KCNQ5: variants seen among roughly 807,000 people sequenced by gnomAD.
KCNQ5 encodes potassium voltage-gated channel subfamily Q member 5.
A neutral mutation model predicts 98.2 loss-of-function variants in KCNQ5; 30 were observed. The observed-to-expected ratio is 0.31, with a 90% CI of 0.23 to 0.41. The LOEUF (loss-of-function observed/expected upper bound fraction) is 0.41, where lower values mean the gene tolerates loss of function less well. Among genes scored for constraint, KCNQ5 ranks in the 10% least tolerant of loss-of-function variants. The probability of loss-of-function intolerance (pLI) is 1.00; values close to 1 mark genes in which losing one functional copy is unlikely to be tolerated. For missense variants in KCNQ5, 835 were observed against 1,182.5 expected, an observed-to-expected ratio of 0.71 and a Z score of 4.31; for synonymous variants, 458 against 449.4, an observed-to-expected ratio of 1.02 and a Z score of -0.24.
intron 1 of KCNQ5, among the ~76,000 whole-genome samples, chr6:72,908,146 A>C (rs917092338): frequency 5.9e-5 from 9 of 152,108 alleles, no homozygotes; most frequent in Non-Finnish European, 1.2e-4. Flanking sequence ...AATTTGGAAC[A>C]TTTAAAAAGA....
chr6:73,112,471 G>A (rs571187971), intron 7 of KCNQ5, among the ~76,000 whole-genome samples: 77 of 151,154 alleles, frequency 5.1e-4, no homozygotes, highest in African/African-American at 1.6e-3. Flanking sequence ...TCAGCCTCCC[G>A]AGTAGCTGGG....
At chr6:73,132,091 G>A (rs569419867) in intron 9 of KCNQ5, among the ~76,000 whole-genome samples, 1 of 152,208 alleles carries the variant, frequency 6.6e-6, no homozygotes, top group Non-Finnish European at 1.5e-5. Flanking sequence ...ACTGTTTCTT[G>A]TTAGCTACAA....
chr6:72,637,968 A>G (rs1459820278), intron 1 of KCNQ5, among the ~76,000 whole-genome samples: 8 of 152,224 alleles, frequency 5.3e-5, no homozygotes, highest in Non-Finnish European at 1.2e-4. Flanking sequence ...CTTCAGATCC[A>G]TCAAGGAATA....
rs1028407942 is a variant in KCNQ5, at chr6:72,804,202, A to G, written c.398+181615A>G. Among the ~76,000 whole-genome samples, 5 of 152,092 alleles carry G rather than the reference A, an allele frequency of 3.3e-5. No individual in the cohort carries two copies. In the East Asian group the frequency reaches 9.6e-4, roughly 29 times the overall value. On this transcript the variant is annotated intron_variant, in intron 1 of 13. Transcript: ENST00000370398. The stretch of plus-strand genomic sequence containing the variant: ...ATTATACTCCTTTCATTATTTTTAA[A>G]TATCCAATAAATTACTGTTGACTGT...
At chr6:73,186,899 G>A (rs974197936) in intron 11 of KCNQ5, among the ~76,000 whole-genome samples, 6 of 151,938 alleles carry the variant, frequency 3.9e-5, no homozygotes, top group Non-Finnish European at 4.4e-5. Flanking sequence ...CCATTAACTC[G>A]TCATTTACAT....
chr6:72,678,435 C>A (rs1024971092), intron 1 of KCNQ5: 1 of 152,036 alleles, frequency 6.6e-6, no homozygotes, highest in Non-Finnish European at 1.5e-5. Context: ...ATCAGATAGA[C>A]CCCAGGGCTT....
chr6:73,012,669 T>G (rs2150331577), intron 2 of KCNQ5, among the ~76,000 whole-genome samples: 1 of 152,128 alleles, frequency 6.6e-6, no homozygotes, highest in East Asian at 1.9e-4. Context: ...GAGAAAAATC[T>G]TTTAAAAGAT....
At chr6:72,639,319 G>C (rs1465578267) in intron 1 of KCNQ5, among the ~76,000 whole-genome samples, 1 of 152,188 alleles carries the variant, frequency 6.6e-6, no homozygotes, top group East Asian at 1.9e-4. Flanking sequence ...AATGTGTGAT[G>C]ATGTAGAAAG....
At chr6:72,918,857 G>A (rs1780274778) in intron 1 of KCNQ5, among the ~76,000 whole-genome samples, 1 of 152,132 alleles carries the variant, frequency 6.6e-6, no homozygotes, top group Non-Finnish European at 1.5e-5. Context: ...TTATTGAAAA[G>A]GAAAGTTGCA....
At chr6:72,836,596 A>G (rs1203183800) in intron 1 of KCNQ5, among the ~76,000 whole-genome samples, 3 of 148,920 alleles carry the variant, frequency 2.0e-5, no homozygotes, top group Non-Finnish European at 4.5e-5. Context: ...GCGCCACCAC[A>G]CTCTGCTAAT....
At chr6:72,822,416 A>G (rs1201083295) in intron 1 of KCNQ5, among the ~76,000 whole-genome samples, 3 of 152,066 alleles carry the variant, frequency 2.0e-5, no homozygotes, top group Non-Finnish European at 1.5e-5. Flanking sequence ...TTTTTTTGGA[A>G]CTTTTTTGTA....
intron 1 of KCNQ5, among the ~76,000 whole-genome samples, chr6:72,877,127 A>G (rs1275429991): frequency 6.6e-6 from 1 of 152,012 alleles, no homozygotes; most frequent in Non-Finnish European, 1.5e-5. Context: ...TACATGTGCC[A>G]TGGTGTTTTG....
At chr6:72,978,882 G>A (rs889098144) in intron 1 of KCNQ5, among the ~76,000 whole-genome samples, 2 of 152,026 alleles carry the variant, frequency 1.3e-5, no homozygotes, top group Admixed American at 6.6e-5. Flanking sequence ...CTGTGTCCAA[G>A]TGTTCTCATT....
intron 1 of KCNQ5, among the ~76,000 whole-genome samples, chr6:72,742,373 A>T (rs978924168): frequency 2.0e-5 from 3 of 152,238 alleles, no homozygotes; most frequent in African/African-American, 7.2e-5. Context: ...TTCAAAGTTC[A>T]TAAGGGTTGC....
In KCNQ5 at chr6:72,869,015, A is replaced by T. The variant is rs1020564935; in HGVS notation, c.399-134893A>T. On this transcript the variant is annotated intron_variant, in intron 1 of 13. Transcript: ENST00000370398. ...AATGTTCCTAACACAAAGAAATGAT[A>T]AATGCTTGAGATAATGGATACCCAA... Among the ~76,000 whole-genome samples, 163 of 152,302 alleles carry T rather than the reference A, an allele frequency of 1.1e-3. 2 individuals are homozygous for T. The highest frequency in any genetic ancestry group is 1.7e-3 in the Non-Finnish European group (114 of 68,016).
chr6:72,998,829 C>G (rs1325171971), intron 1 of KCNQ5, among the ~76,000 whole-genome samples: 2 of 151,464 alleles, frequency 1.3e-5, no homozygotes, highest in Admixed American at 6.6e-5. Context: ...GGAACACTTA[C>G]AGTCTGCCAA....
At chr6:73,051,429 A>G (rs1315908763) in intron 3 of KCNQ5, among the ~76,000 whole-genome samples, 1 of 152,144 alleles carries the variant, frequency 6.6e-6, no homozygotes, top group African/African-American at 2.4e-5. Flanking sequence ...TCCTGCTGCC[A>G]CCACCCCAAC....
intron 1 of KCNQ5, among the ~76,000 whole-genome samples, chr6:72,901,253 C>T (rs1779492443): frequency 6.6e-6 from 1 of 150,920 alleles, no homozygotes; most frequent in South Asian, 2.1e-4. Context: ...GGATATTAGT[C>T]CTTTGTCACA....
At chr6:73,029,644 C>T (rs1357401052) in intron 2 of KCNQ5, among the ~76,000 whole-genome samples, 1 of 151,634 alleles carries the variant, frequency 6.6e-6, no homozygotes, top group African/African-American at 2.4e-5. Flanking sequence ...TAAAAGTATA[C>T]TTGATTTGGC....
Sources: allele counts gnomAD v4.1 joint callset (sites outside exome capture counted in the v4.1 genomes callset), GRCh38; gene constraint gnomAD v4.1.1; transcripts MANE v1.5; gene names NCBI Gene and HGNC (gene_info 2026-07-23, HGNC 2026-07-21).